CLSTN2: variants seen among roughly 807,000 people sequenced by gnomAD.
The protein encoded by CLSTN2 is calsyntenin 2, also known as calsyntenin-2.
CLSTN2 carries 48 observed loss-of-function variants against 101.2 expected under a neutral mutation model. That is an observed-to-expected ratio of 0.47 (90% confidence interval 0.38 to 0.60). The LOEUF is 0.60. Among genes scored for constraint, CLSTN2 ranks in the 20% least tolerant of loss-of-function variants. The probability of loss-of-function intolerance (pLI) is 0.00; values close to 1 mark genes in which losing one functional copy is unlikely to be tolerated. For missense variants in CLSTN2, 1,160 were observed against 1,238.2 expected (o/e 0.94, Z 0.95); for synonymous variants, 481 against 463.6 (o/e 1.04, Z -0.48).
intron 1 of CLSTN2, among the ~76,000 whole-genome samples, chr3:139,944,546 C>G (rs929842342): frequency 1.3e-5 from 2 of 152,230 alleles, no homozygotes; most frequent in East Asian, 1.9e-4. Context: ...TTTATTTTCT[C>G]TGTCAAAGCT....
intron 2 of CLSTN2, among the ~76,000 whole-genome samples, chr3:140,320,842 A>C (rs2087277064): frequency 6.6e-6 from 1 of 152,140 alleles, no homozygotes; most frequent in African/African-American, 2.4e-5. Flanking sequence ...AGACAGCGGC[A>C]GTGAGGGAAG....
At chr3:140,420,291 CAA>C (rs777798328) in intron 4 of CLSTN2, among the ~76,000 whole-genome samples, 34 of 134,220 alleles carry the variant, frequency 2.5e-4, no homozygotes, top group East Asian at 4.3e-4. Context: ...ACTCTGCCGC[CAA>C]AAAAAAAAAA....
chr3:139,949,953 G>A (rs1434555563), intron 1 of CLSTN2, among the ~76,000 whole-genome samples: 1 of 152,158 alleles, frequency 6.6e-6, no homozygotes, highest in Non-Finnish European at 1.5e-5. Context: ...TGTGTGTAGA[G>A]GCAAGAAGGA....
In CLSTN2 at chr3:140,427,048, TGCCTGCAATCCCAGCTAC is replaced by T. The variant is rs2088572696; in HGVS notation, c.787+5775_787+5792del. On this transcript the variant is annotated intron_variant, in intron 5 of 16. Coordinates refer to ENST00000458420, the MANE Select transcript of CLSTN2 (RefSeq NM_022131.3). ...AATATTAGCCAGGCATGGTGGTGCA[TGCCTGCAATCCCAGCTAC>T]TTGGGAGGCTGATGCAGGAGAATCA... 1.3e-5 allele frequency among the ~76,000 whole-genome samples: 2 copies of T among 150,224 alleles called. 1 individual carries two copies. Among genetic ancestry groups the T allele is most frequent in the African/African-American group, 5.0e-5 (2 of 40,114 alleles).
intron 2 of CLSTN2, among the ~76,000 whole-genome samples, chr3:140,191,814 T>A (rs1178932864): frequency 6.6e-6 from 1 of 151,960 alleles, no homozygotes; most frequent in African/African-American, 2.4e-5. Flanking sequence ...TTTATAAATC[T>A]TTTCAAAGAA....
chr3:140,312,000 T>C (rs1455371575), intron 2 of CLSTN2, among the ~76,000 whole-genome samples: 2 of 152,250 alleles, frequency 1.3e-5, no homozygotes, highest in Non-Finnish European at 2.9e-5. Flanking sequence ...TAATTAGAGG[T>C]AATGCAATTA....
intron 2 of CLSTN2, among the ~76,000 whole-genome samples, chr3:140,378,592 T>G (rs952530214): frequency 1.3e-5 from 2 of 152,226 alleles, no homozygotes; most frequent in Admixed American, 1.3e-4. Context: ...GGCTTACTTG[T>G]TGGCACTATG....
chr3:139,975,833 C>A (rs1438901539), intron 1 of CLSTN2, among the ~76,000 whole-genome samples: 1 of 152,162 alleles, frequency 6.6e-6, no homozygotes, highest in Non-Finnish European at 1.5e-5. Flanking sequence ...ACAGCTGCCA[C>A]AACACAGGAG....
intron 8 of CLSTN2, among the ~76,000 whole-genome samples, chr3:140,497,227 T>C (rs1050971128): frequency 7.2e-5 from 11 of 151,808 alleles, no homozygotes; most frequent in African/African-American, 2.7e-4. Context: ...AAAAGCTGAG[T>C]TGACTGAACT....
At chr3:140,403,570 A>T (rs564213262) in intron 2 of CLSTN2, 59 bp from the exon 3 acceptor site, 2 of 1,396,634 alleles carry the variant, frequency 1.4e-6, no homozygotes, top group African/African-American at 1.4e-5. Context: ...CAATGGAAGC[A>T]CTGTCTTCAG....
intron 2 of CLSTN2, among the ~76,000 whole-genome samples, chr3:140,276,332 G>C (rs2086795169): frequency 6.6e-6 from 1 of 152,182 alleles, no homozygotes; most frequent in African/African-American, 2.4e-5. Flanking sequence ...CCAGAAAGCA[G>C]TCTTTCCTTT....
chr3:140,427,236 T>TGTATATGTATAC (rs2088581392), intron 5 of CLSTN2, among the ~76,000 whole-genome samples: 1 of 119,782 alleles, frequency 8.3e-6, no homozygotes, highest in African/African-American at 3.7e-5. Context: ...TGTGTATATA[T>TGTATATGTATAC]ATATATATAC....
chr3:140,526,966 C>T (rs1000256307), intron 8 of CLSTN2, among the ~76,000 whole-genome samples: 1 of 151,984 alleles, frequency 6.6e-6, no homozygotes, highest in African/African-American at 2.4e-5. Flanking sequence ...AATATAAAAC[C>T]CCAATTATAA....
chr3:139,968,170 C>T (rs1040308389), intron 1 of CLSTN2, among the ~76,000 whole-genome samples: 1 of 152,200 alleles, frequency 6.6e-6, no homozygotes, highest in Admixed American at 6.5e-5. Flanking sequence ...TTATCACTCA[C>T]ATTAGAGGCC....
At position 140,574,854 on chromosome 3, in the gene CLSTN2, G is replaced by C. The variant is rs1985681709; in HGVS notation, c.*8601G>C. On this transcript the variant is annotated 3_prime_UTR_variant, in exon 17 of 17. Coordinates refer to ENST00000458420, the MANE Select transcript of CLSTN2 (RefSeq NM_022131.3). ...CTGCAGACTCCAGCACCTCTGCAGA[G>C]AAGGCAGGCAAAGGGATGAGGAGGT... 6.6e-6 allele frequency: 1 copy of C among 151,274 alleles called. No individual in the cohort carries two copies. The highest frequency in any genetic ancestry group is 2.4e-5 in the African/African-American group (1 of 41,294). The allele number at this position is 151,274 out of a possible 1,614,324, so 9.4% of individuals were successfully genotyped here. A position where few individuals can be genotyped will look rare whatever the true frequency, so the allele number is the denominator to read the frequency against.
intron 8 of CLSTN2, among the ~76,000 whole-genome samples, chr3:140,530,984 G>C (rs1559895882): frequency 6.6e-6 from 1 of 152,196 alleles, no homozygotes; most frequent in Non-Finnish European, 1.5e-5. Flanking sequence ...GCTTGATTCA[G>C]ATATGTAGTT....
rs143858966 is a variant in CLSTN2 at position 140,404,614 on chromosome 3, A to C, written c.485A>C (p.Glu162Ala). The C allele has an allele frequency of 2.6e-4, 416 of 1,614,224 alleles. No individual in the cohort carries two copies. In the African/African-American group the frequency reaches 5.3e-3, roughly 21 times the overall value. The change falls in exon 4 of 17, where the codon GAG becomes GCG. Residue 162 changes from glutamate to alanine, a missense_variant. Physicochemically the swap from Glu to Ala is moderately radical, Grantham distance 107 (BLOSUM62 -1). Coordinates refer to ENST00000458420, the MANE Select transcript of CLSTN2 (RefSeq NM_022131.3). ...DVNEFAPTFK[E>A]PAYKAVVTEG... ...AACGAGTTTGCTCCCACCTTCAAAG[A>C]GCCAGCCTACAAGGCTGTTGTGACG...
At chr3:140,421,314 T>G in intron 5 of CLSTN2, 40 bp downstream of exon 5, 1 of 1,611,708 alleles carries the variant, frequency 6.2e-7, no homozygotes, top group Non-Finnish European at 8.5e-7. Flanking sequence ...GGCAGCATGG[T>G]CTGATGTATA....
chr3:140,470,962 G>C (rs1396115459), intron 8 of CLSTN2, among the ~76,000 whole-genome samples: 1 of 152,150 alleles, frequency 6.6e-6, no homozygotes, highest in African/African-American at 2.4e-5. Flanking sequence ...GTGTGCTTTA[G>C]TCAGCCCAGC....
Sources: allele counts gnomAD v4.1 joint callset (sites outside exome capture counted in the v4.1 genomes callset), GRCh38; gene constraint gnomAD v4.1.1; transcripts MANE v1.5; gene names NCBI Gene and HGNC (gene_info 2026-07-23, HGNC 2026-07-21).